The following TOP3A variants were observed in gnomAD, a reference collection of about 807,000 sequenced individuals.
TOP3A encodes the protein DNA topoisomerase 3-alpha.
Under a neutral mutation model 111.3 loss-of-function variants are expected in TOP3A, and 64 were observed. That is an observed-to-expected ratio of 0.57 (90% CI 0.47 to 0.71). The LOEUF (loss-of-function observed/expected upper bound fraction) is 0.71, where lower values mean the gene tolerates loss of function less well. Ranked by LOEUF, TOP3A falls within the 30% of genes least tolerant of loss-of-function variation. TOP3A has a pLI of 0.00. For missense variants in TOP3A, 1,104 were observed against 1,285.0 expected, an observed-to-expected ratio of 0.86 and a Z score of 2.15; for synonymous variants, 484 against 485.1, an observed-to-expected ratio of 1.00 and a Z score of 0.03.
chr17:18,282,950 G>C (rs893129533), intron 15 of TOP3A, 109 bp from the exon 16 acceptor site: 2 of 1,413,474 alleles, frequency 1.4e-6, no homozygotes, highest in Admixed American at 1.9e-5. Flanking sequence ...CAGCTGGTCA[G>C]TGAGCCGCAG....
In TOP3A at chr17:18,301,960, G is replaced by C. The variant is rs34430764; in HGVS notation, c.840C>G (p.Ile280Met). The change falls in exon 8 of 19, where the codon ATC becomes ATG. Residue 280 changes from isoleucine to methionine, a missense_variant. Transcript: ENST00000321105. ...GATGCCTTTTCCAGTTGAATTCTAC[G>C]ATACCATCTTTGTGGTCATGAGTTA... ...IKVTHDHKDG[I>M]VEFNWKRHRL... 233 of 1,614,096 alleles carry C rather than the reference G, an allele frequency of 1.4e-4. No homozygotes were observed. The African/African-American group carries it at 2.8e-3, about 20-fold the overall frequency.
intron 18 of TOP3A, among the ~76,000 whole-genome samples, chr17:18,277,185 C>CAAAAAAAAAAA (rs34363304): frequency 1.0e-5 from 1 of 96,480 alleles, no homozygotes. Flanking sequence ...ACTCAGTCTC[C>CAAAAAAAAAAA]AAAAAAAAAA....
rs1979083856 is a variant in TOP3A, at chr17:18,272,852, A to G, written c.*1950T>C. The G allele has an allele frequency of 6.6e-6, 1 of 152,106 alleles. No homozygotes were observed. Among genetic ancestry groups the G allele is most frequent in the Non-Finnish European group, 1.5e-5 (1 of 68,036 alleles). The allele number at this position is 152,106 out of a possible 1,614,324, so 9.4% of individuals were successfully genotyped here. A position where few individuals can be genotyped will look rare whatever the true frequency, so the allele number is the denominator to read the frequency against. The stretch of plus-strand genomic sequence containing the variant: ...TGTATTTTTTTAGAGACGGGGTTTC[A>G]TCATATTGGTCAGGCTGGTCTCGAA... On this transcript the variant is annotated 3_prime_UTR_variant, in exon 19 of 19. Transcript: ENST00000321105.
At chr17:18,295,222 G>A (rs769613719) in intron 9 of TOP3A, among the ~76,000 whole-genome samples, 2 of 151,952 alleles carry the variant, frequency 1.3e-5, no homozygotes, top group East Asian at 1.9e-4. Flanking sequence ...GCATGATCTC[G>A]GCCCACTGCA....
chr17:18,312,922 T>C (rs1223015383), intron 1 of TOP3A: 1 of 152,614 alleles, frequency 6.6e-6, no homozygotes, highest in African/African-American at 2.4e-5. Context: ...TTCAAGACCA[T>C]CCTGGCCAAC....
At chr17:18,298,713 A>G (rs1461106447) in intron 9 of TOP3A, among the ~76,000 whole-genome samples, 2 of 152,022 alleles carry the variant, frequency 1.3e-5, no homozygotes. Context: ...GTACTAAGAA[A>G]AATTCTTCTG....
intron 9 of TOP3A, among the ~76,000 whole-genome samples, chr17:18,298,321 G>A (rs544661855): frequency 7.3e-5 from 11 of 150,524 alleles, no homozygotes; most frequent in South Asian, 2.1e-4. Context: ...CACCTCGTCC[G>A]GCAGGGAGGT....
chr17:18,305,043 A>C, intron 5 of TOP3A, 69 bp downstream of exon 5: 1 of 1,348,572 alleles, frequency 7.4e-7, no homozygotes, highest in Non-Finnish European at 1.1e-6. Context: ...CCATGTGCAC[A>C]TATAAACAAG....
chr17:18,297,567 C>A (rs998765285), intron 9 of TOP3A, among the ~76,000 whole-genome samples: 1 of 152,192 alleles, frequency 6.6e-6, no homozygotes, highest in Admixed American at 6.5e-5. Context: ...CGATTGCAGG[C>A]GCGCGCCGCC....
Position 18,296,929 on chromosome 17 carries a change from A to G in TOP3A, c.991-2144T>C, listed in dbSNP as rs577385805. ...TTCATATAGCAGATTATTTAAAGCA[A>G]TATTTATACAGATTATACAGCAACA... On this transcript the variant is annotated intron_variant, in intron 9 of 18. Coordinates refer to ENST00000321105, the MANE Select transcript of TOP3A (RefSeq NM_004618.5). Among the ~76,000 whole-genome samples the G allele has an allele frequency of 1.1e-4, 16 of 152,354 alleles. No homozygotes were observed. In the South Asian group the frequency reaches 3.1e-3, roughly 30 times the overall value.
chr17:18,302,890 G>A (rs1310965331), intron 5 of TOP3A, 167 bp from the exon 6 acceptor site: 4 of 711,388 alleles, frequency 5.6e-6, no homozygotes, highest in East Asian at 5.6e-5. Context: ...AGTGTCTAAA[G>A]AGGAAACATC....
intron 13 of TOP3A, among the ~76,000 whole-genome samples, chr17:18,286,670 C>T (rs531996922): frequency 3.9e-5 from 6 of 152,268 alleles, no homozygotes; most frequent in African/African-American, 1.4e-4. Context: ...AACGGTACAG[C>T]CACTTCAGAA....
chr17:18,282,671 G>A, intron 16 of TOP3A, 27 bp downstream of exon 16: 1 of 1,612,354 alleles, frequency 6.2e-7, no homozygotes, highest in South Asian at 1.1e-5. Context: ...GGGGAGCAGA[G>A]GTGGGGGCAG....
intron 10 of TOP3A, among the ~76,000 whole-genome samples, chr17:18,293,690 G>C (rs940318141): frequency 7.2e-5 from 11 of 151,866 alleles, no homozygotes; most frequent in African/African-American, 2.4e-4. Flanking sequence ...TCTGCCTCCC[G>C]GGTTCAAGCA....
chr17:18,284,939 T>C (rs975243278), intron 15 of TOP3A, among the ~76,000 whole-genome samples: 1 of 152,190 alleles, frequency 6.6e-6, no homozygotes, highest in African/African-American at 2.4e-5. Context: ...AAAAGGGGTA[T>C]GTGGAAAACC....
intron 9 of TOP3A, among the ~76,000 whole-genome samples, chr17:18,297,172 T>C (rs910202038): frequency 6.6e-6 from 1 of 152,182 alleles, no homozygotes; most frequent in African/African-American, 2.4e-5. Context: ...ACGCCTCTAA[T>C]CCCAGCACTT....
At chr17:18,297,243 T>C (rs560463688) in intron 9 of TOP3A, among the ~76,000 whole-genome samples, 6 of 152,256 alleles carry the variant, frequency 3.9e-5, no homozygotes, top group African/African-American at 9.6e-5. Context: ...CTGACCAACA[T>C]GGAGAAACCC....
At chr17:18,287,473 C>A (rs141715566) in intron 13 of TOP3A, among the ~76,000 whole-genome samples, 12 of 152,028 alleles carry the variant, frequency 7.9e-5, no homozygotes, top group Non-Finnish European at 1.2e-4. Context: ...TTGCAGTGAG[C>A]TGAAATCGTG....
At chr17:18,307,221 G>C (rs1343798008) in intron 3 of TOP3A, 1 of 351,860 alleles carries the variant, frequency 2.8e-6, no homozygotes, top group Non-Finnish European at 5.2e-6. Context: ...AAAAGGTCTG[G>C]CAATTTTGAG....
Sources: allele counts gnomAD v4.1 joint callset (sites outside exome capture counted in the v4.1 genomes callset), GRCh38; gene constraint gnomAD v4.1.1; transcripts MANE v1.5; gene names NCBI Gene and HGNC (gene_info 2026-07-23, HGNC 2026-07-21).